The following TMEM163 variants were observed in gnomAD, a reference collection of about 807,000 sequenced individuals.
The protein encoded by TMEM163 is transmembrane protein 163.
TMEM163 carries 17 observed loss-of-function variants against 29.3 expected under a neutral mutation model. That is an observed-to-expected ratio of 0.58 (90% CI 0.40 to 0.87). TMEM163 has a LOEUF of 0.87. TMEM163 is among the 40% of genes least tolerant of loss of function. TMEM163 has a pLI of 0.00. For missense variants in TMEM163, 303 were observed against 381.5 expected (o/e 0.79, Z 1.71); for synonymous variants, 157 against 160.6 (o/e 0.98, Z 0.17).
intron 2 of TMEM163, among the ~76,000 whole-genome samples, chr2:134,643,775 T>G (rs1405702809): frequency 6.6e-6 from 1 of 151,780 alleles, no homozygotes; most frequent in Non-Finnish European, 1.5e-5. Context: ...AGTATAGTAA[T>G]GTAAGAAGAA....
intron 4 of TMEM163, among the ~76,000 whole-genome samples, chr2:134,521,197 C>T (rs561193318): frequency 6.6e-6 from 1 of 152,210 alleles, no homozygotes; most frequent in East Asian, 1.9e-4. Flanking sequence ...TGGGGTTTCA[C>T]CGAGTTAGCC....
chr2:134,472,344 G>A (rs1236075452), intron 5 of TMEM163, among the ~76,000 whole-genome samples: 2 of 152,214 alleles, frequency 1.3e-5, no homozygotes, highest in African/African-American at 2.4e-5. Flanking sequence ...AAAGATATAT[G>A]TGAGAGACAG....
chr2:134,580,255 G>A (rs1392669576), intron 2 of TMEM163, among the ~76,000 whole-genome samples: 1 of 152,160 alleles, frequency 6.6e-6, no homozygotes, highest in Non-Finnish European at 1.5e-5. Flanking sequence ...TTCATTAAGG[G>A]CTGAAGATTA....
chr2:134,715,808 G>C (rs189079894), intron 1 of TMEM163, among the ~76,000 whole-genome samples: 1 of 152,206 alleles, frequency 6.6e-6, no homozygotes, highest in Admixed American at 6.5e-5. Context: ...GAGAAGCTAC[G>C]ACAGGCCTCG....
intron 2 of TMEM163, among the ~76,000 whole-genome samples, chr2:134,610,281 G>A (rs938917264): frequency 4.6e-5 from 7 of 152,180 alleles, no homozygotes; most frequent in Admixed American, 6.5e-5. Context: ...CACTGTGGCC[G>A]CCAGCCACTT....
chr2:134,649,153 G>A (rs1253526807), intron 2 of TMEM163, among the ~76,000 whole-genome samples: 1 of 152,188 alleles, frequency 6.6e-6, no homozygotes, highest in African/African-American at 2.4e-5. Context: ...ATATTCACAT[G>A]AAATACAACA....
intron 2 of TMEM163, among the ~76,000 whole-genome samples, chr2:134,648,822 T>C (rs528887461): frequency 3.3e-5 from 5 of 152,294 alleles, no homozygotes; most frequent in African/African-American, 9.6e-5. Flanking sequence ...TAATATTTCT[T>C]ATATCCATTT....
chr2:134,706,115 C>T (rs994438906), intron 2 of TMEM163, among the ~76,000 whole-genome samples: 3 of 152,204 alleles, frequency 2.0e-5, no homozygotes, highest in African/African-American at 7.2e-5. Flanking sequence ...TGAGCGGAGA[C>T]TCAGGAAGAT....
chr2:134,494,853 G>T (rs758290978), intron 5 of TMEM163, among the ~76,000 whole-genome samples: 1 of 152,170 alleles, frequency 6.6e-6, no homozygotes, highest in Non-Finnish European at 1.5e-5. Flanking sequence ...GCACTCACTG[G>T]TGCCAAGAGA....
intron 4 of TMEM163, among the ~76,000 whole-genome samples, chr2:134,532,638 T>C (rs915843580): frequency 2.0e-5 from 3 of 152,236 alleles, no homozygotes; most frequent in South Asian, 2.1e-4. Context: ...CCCAGCTTTC[T>C]GTAGTCTATT....
At chr2:134,603,034 C>G (rs1385187764) in intron 2 of TMEM163, among the ~76,000 whole-genome samples, 1 of 152,142 alleles carries the variant, frequency 6.6e-6, no homozygotes, top group Non-Finnish European at 1.5e-5. Context: ...GGACTGATCT[C>G]ACCTCCAAAA....
At chr2:134,632,811 C>T (rs1013873133) in intron 2 of TMEM163, among the ~76,000 whole-genome samples, 7 of 151,338 alleles carry the variant, frequency 4.6e-5, no homozygotes, top group African/African-American at 7.3e-5. Context: ...GGCGGGATCT[C>T]GGCTCACTGC....
chr2:134,587,311 G>C (rs842355), intron 2 of TMEM163, among the ~76,000 whole-genome samples: 67,636 of 151,968 alleles, frequency 0.45, 15,947 homozygotes, highest in East Asian at 0.77. Flanking sequence ...ACTAGGGAGT[G>C]TGAGGCAGGA....
At chr2:134,509,285 C>G (rs1679896458) in intron 4 of TMEM163, among the ~76,000 whole-genome samples, 1 of 152,206 alleles carries the variant, frequency 6.6e-6, no homozygotes, top group South Asian at 2.1e-4. Context: ...TTGGTGACTA[C>G]CATACTGGAC....
At chr2:134,660,791 G>A (rs1444791715) in intron 2 of TMEM163, among the ~76,000 whole-genome samples, 1 of 152,228 alleles carries the variant, frequency 6.6e-6, no homozygotes, top group Non-Finnish European at 1.5e-5. Context: ...TGGCATTGCT[G>A]AAGAGCTCAG....
At chr2:134,706,959 C>T (rs115707620) in intron 2 of TMEM163, among the ~76,000 whole-genome samples, 4,424 of 152,276 alleles carry the variant, frequency 0.029, 81 homozygotes, top group African/African-American at 0.045. Flanking sequence ...GGAGAGTTGT[C>T]GGAGCAAGGT....
chr2:134,690,634 G>A (rs1453715131), intron 2 of TMEM163, among the ~76,000 whole-genome samples: 1 of 152,144 alleles, frequency 6.6e-6, no homozygotes, highest in Admixed American at 6.5e-5. Context: ...GTGAAGGATG[G>A]ATTTCATTTA....
chr2:134,551,876 C>T (rs930464497), intron 3 of TMEM163, among the ~76,000 whole-genome samples, 172 bp downstream of exon 3: 1 of 152,108 alleles, frequency 6.6e-6, no homozygotes, highest in Non-Finnish European at 1.5e-5. Context: ...TCCTCATTGC[C>T]GCTTAATTCT....
intron 4 of TMEM163, among the ~76,000 whole-genome samples, chr2:134,550,369 A>G (rs1463260178): frequency 6.6e-6 from 1 of 152,198 alleles, no homozygotes; most frequent in East Asian, 1.9e-4. Context: ...AAAATTATAA[A>G]GGTACATCCT....
Sources: allele counts gnomAD v4.1 joint callset (sites outside exome capture counted in the v4.1 genomes callset), GRCh38; gene constraint gnomAD v4.1.1; transcripts MANE v1.5; gene names NCBI Gene and HGNC (gene_info 2026-07-23, HGNC 2026-07-21).